DLGAP4: variants seen among roughly 807,000 people sequenced by gnomAD.
DLGAP4 encodes the protein DLG associated protein 4, also known as disks large-associated protein 4.
Under a neutral mutation model 86.9 loss-of-function variants are expected in DLGAP4, and 18 were observed. The observed-to-expected ratio is 0.21, with a 90% confidence interval of 0.14 to 0.31. The LOEUF is 0.31. Ranked by LOEUF, DLGAP4 falls within the 10% of genes least tolerant of loss-of-function variation. DLGAP4 has a pLI of 1.00. For synonymous variants in DLGAP4, 548 were observed against 574.3 expected (o/e 0.95, Z 0.65); for missense variants, 1,085 against 1,362.6 (o/e 0.80, Z 3.21).
At chr20:36,458,419 G>A (rs1249001696) in intron 7 of DLGAP4, among the ~76,000 whole-genome samples, 1 of 146,710 alleles carries the variant, frequency 6.8e-6, no homozygotes, top group Non-Finnish European at 1.5e-5. Flanking sequence ...ATGGCGAGGG[G>A]TTTCACCATG....
intron 1 of DLGAP4, among the ~76,000 whole-genome samples, chr20:36,354,397 T>C (rs1334826087): frequency 6.6e-6 from 1 of 152,200 alleles, no homozygotes; most frequent in Non-Finnish European, 1.5e-5. Flanking sequence ...TTCACCTATT[T>C]TAAGCATTCT....
At position 36,500,436 on chromosome 20, in the gene DLGAP4, A is replaced by G; in HGVS notation, c.2337A>G (p.Pro779=). 6.4e-7 allele frequency: 1 copy of G among 1,572,552 alleles called. No individual in the cohort carries two copies. Among genetic ancestry groups the G allele is most frequent in the Non-Finnish European group, 8.6e-7 (1 of 1,156,508 alleles). The change falls in exon 10 of 13, where the codon CCA becomes CCG. Residue 779 remains proline, a synonymous_variant. Coordinates refer to ENST00000339266, the MANE Select transcript of DLGAP4 (RefSeq NM_001365621.2). The surrounding 1 kb of genome is among the most constrained non-coding windows in gnomAD (Gnocchi z 4.6). The part of the protein sequence containing the change: ...DPALEASSLP[P]PDPWLETSSS... ...CCCTAGAGGCGTCCTCGCTGCCCCCACCCGACCCCTGGCTCGAGACCTCCT... is the reference window on the plus strand; with the variant it reads ...CCCTAGAGGCGTCCTCGCTGCCCCCGCCCGACCCCTGGCTCGAGACCTCCT...
intron 2 of DLGAP4, among the ~76,000 whole-genome samples, chr20:36,367,964 G>A (rs2030756777): frequency 6.6e-6 from 1 of 152,208 alleles, no homozygotes; most frequent in Non-Finnish European, 1.5e-5. Context: ...AGAGGCCTAC[G>A]TGCAGGCTCA....
rs1324271377 is a variant in DLGAP4, at chr20:36,528,382, T to G, written c.*1351T>G. The G allele has an allele frequency of 1.3e-5, 2 of 152,630 alleles. No homozygotes were observed. Among genetic ancestry groups the G allele is most frequent in the African/African-American group, 4.8e-5 (2 of 41,358 alleles). The allele number at this position is 152,630 out of a possible 1,614,324, so 9.5% of individuals were successfully genotyped here. On this transcript the variant is annotated 3_prime_UTR_variant, in exon 13 of 13. Transcript: ENST00000339266. ...GCTCAGTACCTGAGGGGCTGCTCTA[T>G]GCTGTGTATGCGCCTCTCTGGCATC...
At chr20:36,344,637 C>T (rs140703149) in intron 1 of DLGAP4, among the ~76,000 whole-genome samples, 1 of 152,228 alleles carries the variant, frequency 6.6e-6, no homozygotes, top group Non-Finnish European at 1.5e-5. Context: ...TCTTAATCCC[C>T]AACCTCCAGC....
chr20:36,477,989 G>C (rs1169776506), intron 7 of DLGAP4, among the ~76,000 whole-genome samples: 3 of 152,172 alleles, frequency 2.0e-5, no homozygotes, highest in Non-Finnish European at 4.4e-5. Flanking sequence ...TGAAATAGAT[G>C]TTTGCTTTTC....
At chr20:36,317,267 CTTTCTTTCT>C (rs1244318095) in intron 1 of DLGAP4, among the ~76,000 whole-genome samples, 1,715 of 41,134 alleles carry the variant, frequency 0.042, 59 homozygotes, top group African/African-American at 0.19. Flanking sequence ...TTCTTTCTTT[CTTTCTTTCT>C]TATCTTTCTT....
chr20:36,465,012 T>C (rs923044259), intron 7 of DLGAP4, among the ~76,000 whole-genome samples: 24 of 152,218 alleles, frequency 1.6e-4, no homozygotes, highest in Non-Finnish European at 2.8e-4. Context: ...AGATCTGTAC[T>C]ACAGGATTAT....
intron 10 of DLGAP4, among the ~76,000 whole-genome samples, chr20:36,510,037 G>T (rs1389555152): frequency 6.6e-6 from 1 of 151,420 alleles, no homozygotes; most frequent in Non-Finnish European, 1.5e-5. Flanking sequence ...TGTATTTTTA[G>T]TGTTGGTCAG....
chr20:36,441,003 G>C (rs60017680), intron 5 of DLGAP4, among the ~76,000 whole-genome samples: 4,263 of 152,078 alleles, frequency 0.028, 215 homozygotes, highest in African/African-American at 0.096. Context: ...GTAGAGTGCC[G>C]CAGCCCAGGG....
At chr20:36,442,586 A>C in intron 5 of DLGAP4, 141 bp from the exon 6 acceptor site, 5 of 824,306 alleles carry the variant, frequency 6.1e-6, no homozygotes, top group Non-Finnish European at 1.0e-5. Context: ...GCCAAGTGAG[A>C]CCTCCTAGCA....
At chr20:36,386,162 G>A (rs1465371692) in intron 2 of DLGAP4, among the ~76,000 whole-genome samples, 2 of 152,202 alleles carry the variant, frequency 1.3e-5, no homozygotes, top group Admixed American at 6.5e-5. Context: ...AGCAGCCCAT[G>A]CAGCCAGCAG....
chr20:36,340,181 T>G (rs565496503), intron 1 of DLGAP4, among the ~76,000 whole-genome samples: 1 of 151,994 alleles, frequency 6.6e-6, no homozygotes, highest in South Asian at 2.1e-4. Context: ...ATGAGTGCGG[T>G]AGGAGGGGCC....
At chr20:36,371,532 C>T (rs903617932) in intron 2 of DLGAP4, among the ~76,000 whole-genome samples, 18 of 152,186 alleles carry the variant, frequency 1.2e-4, no homozygotes, top group African/African-American at 4.3e-4. Flanking sequence ...GAGCTGAGAC[C>T]CGAAAGGATG....
intron 1 of DLGAP4, among the ~76,000 whole-genome samples, chr20:36,356,958 C>G (rs1343920155): frequency 1.3e-5 from 2 of 152,174 alleles, no homozygotes; most frequent in African/African-American, 4.8e-5. Context: ...CTGAATCTGT[C>G]TGCTGTCTTC....
chr20:36,382,464 C>T (rs996313181), intron 2 of DLGAP4, among the ~76,000 whole-genome samples: 8 of 151,364 alleles, frequency 5.3e-5, no homozygotes, highest in Admixed American at 2.6e-4. Context: ...TGGTCTCTAA[C>T]GATCCTCCTG....
At chr20:36,336,039 C>T (rs2065318266) in intron 1 of DLGAP4, among the ~76,000 whole-genome samples, 1 of 152,192 alleles carries the variant, frequency 6.6e-6, no homozygotes, top group African/African-American at 2.4e-5. Context: ...CCCCTGCCTC[C>T]AGAGGGACAG....
chr20:36,427,293 A>G (rs938572187), intron 2 of DLGAP4, among the ~76,000 whole-genome samples: 1 of 152,174 alleles, frequency 6.6e-6, no homozygotes, highest in African/African-American at 2.4e-5. Context: ...CCTGGCCAAC[A>G]TAGTGAAACC....
chr20:36,440,119 G>A (rs1442502525), intron 5 of DLGAP4, among the ~76,000 whole-genome samples: 1 of 152,184 alleles, frequency 6.6e-6, no homozygotes, highest in Admixed American at 6.5e-5. Context: ...GCTGCCAGCG[G>A]GGCGCCTGTC....
Sources: gnomAD v4.1 joint callset for allele counts (sites outside exome capture counted in the v4.1 genomes callset) on GRCh38, gnomAD v4.1.1 for gene constraint, Gnocchi (gnomAD v3.1) non-coding constraint, MANE v1.5 for transcripts, NCBI Gene and HGNC (gene_info 2026-07-23, HGNC 2026-07-21) for gene names.